Variants in FNDC3A observed in about 807,000 individuals in gnomAD.
FNDC3A encodes fibronectin type III domain containing 3A.
A neutral mutation model predicts 148.9 loss-of-function variants in FNDC3A; 32 were observed. That is an observed-to-expected ratio of 0.21 (90% CI 0.16 to 0.29). The LOEUF (loss-of-function observed/expected upper bound fraction) is 0.29. Ranked by LOEUF, FNDC3A falls within the 10% of genes least tolerant of loss-of-function variation. FNDC3A has a pLI of 1.00. For synonymous variants in FNDC3A, 472 were observed against 473.6 expected (o/e 1.00, Z 0.04); for missense variants, 1,191 against 1,452.8 (o/e 0.82, Z 2.93).
At chr13:49,149,144 A>G (rs760774629) in intron 8 of FNDC3A, among the ~76,000 whole-genome samples, 13 of 151,162 alleles carry the variant, frequency 8.6e-5, no homozygotes, top group Admixed American at 1.3e-4. Context: ...CATGTCATCT[A>G]CAAAGAAGGA....
At chr13:49,125,458 G>C (rs1457216139) in intron 4 of FNDC3A, among the ~76,000 whole-genome samples, 1 of 152,150 alleles carries the variant, frequency 6.6e-6, no homozygotes, top group Non-Finnish European at 1.5e-5. Context: ...TTAAAGTGAA[G>C]CTGTATTATT....
chr13:49,205,647 G>T (rs1000625363), intron 25 of FNDC3A, among the ~76,000 whole-genome samples: 1 of 152,002 alleles, frequency 6.6e-6, no homozygotes, highest in African/African-American at 2.4e-5. Flanking sequence ...TCTTATAAGG[G>T]ATACCCAACC....
chr13:49,116,554 G>T (rs1410018814), intron 4 of FNDC3A, among the ~76,000 whole-genome samples: 3 of 152,184 alleles, frequency 2.0e-5, no homozygotes, highest in African/African-American at 7.2e-5. Flanking sequence ...CAGCTCTTTG[G>T]GAGGCCAAGG....
At chr13:49,064,523 A>G (rs1256201283) in intron 2 of FNDC3A, among the ~76,000 whole-genome samples, 1 of 151,686 alleles carries the variant, frequency 6.6e-6, no homozygotes, top group Non-Finnish European at 1.5e-5. Flanking sequence ...GAAAGAGATC[A>G]CTGAGAGTAT....
At chr13:48,999,078 G>A (rs1237057659) in intron 1 of FNDC3A, among the ~76,000 whole-genome samples, 4 of 152,164 alleles carry the variant, frequency 2.6e-5, no homozygotes, top group African/African-American at 9.7e-5. Context: ...TAAAGGGCAG[G>A]ACTGCCCCGC....
At chr13:49,092,635 C>T (rs1473722713) in intron 3 of FNDC3A, among the ~76,000 whole-genome samples, 1 of 151,588 alleles carries the variant, frequency 6.6e-6, no homozygotes, top group Non-Finnish European at 1.5e-5. Flanking sequence ...TCACATTGTT[C>T]CTTCTTATAA....
chr13:49,074,516 G>A (rs889131318), intron 2 of FNDC3A, among the ~76,000 whole-genome samples: 20 of 152,160 alleles, frequency 1.3e-4, no homozygotes, highest in Admixed American at 5.2e-4. Flanking sequence ...CACAATAATG[G>A]TAAAATTGAA....
chr13:49,188,722 A>G (rs1489582964), intron 17 of FNDC3A, 89 bp downstream of exon 17: 6 of 795,104 alleles, frequency 7.5e-6, no homozygotes, highest in Non-Finnish European at 8.7e-6. Flanking sequence ...ATATTGAAAC[A>G]TATCCACAAA....
intron 5 of FNDC3A, among the ~76,000 whole-genome samples, chr13:49,133,861 T>A (rs1201020784): frequency 6.6e-6 from 1 of 152,212 alleles, no homozygotes; most frequent in East Asian, 1.9e-4. Context: ...TCCTTCTCTT[T>A]CTACTATAAT....
chr13:49,090,781 C>T (rs577483228), intron 3 of FNDC3A, among the ~76,000 whole-genome samples: 1 of 152,100 alleles, frequency 6.6e-6, no homozygotes, highest in African/African-American at 2.4e-5. Context: ...GTAGGAGGAT[C>T]GTTTGAGGCC....
At chr13:49,206,131 C>T (rs1206353518) in intron 25 of FNDC3A, among the ~76,000 whole-genome samples, 3 of 152,168 alleles carry the variant, frequency 2.0e-5, no homozygotes, top group African/African-American at 4.8e-5. Flanking sequence ...GAAATGATAG[C>T]TCCTACAGAT....
At chr13:49,082,051 A>C (rs541390998) in intron 3 of FNDC3A, among the ~76,000 whole-genome samples, 4 of 152,050 alleles carry the variant, frequency 2.6e-5, no homozygotes, top group Non-Finnish European at 4.4e-5. Flanking sequence ...ATAAATGTCA[A>C]ACTCAAGAAG....
chr13:49,025,667 A>G (rs1159272073), intron 2 of FNDC3A, among the ~76,000 whole-genome samples: 3 of 152,112 alleles, frequency 2.0e-5, no homozygotes, highest in Non-Finnish European at 1.5e-5. Context: ...GAAATACCCT[A>G]TCTTGAGGTG....
intron 2 of FNDC3A, among the ~76,000 whole-genome samples, chr13:49,066,589 A>C (rs1309923154): frequency 6.6e-6 from 1 of 152,230 alleles, no homozygotes; most frequent in Non-Finnish European, 1.5e-5. Context: ...ACAAAGACTT[A>C]AGTAACATAC....
chr13:49,114,411 C>G (rs1175235740), intron 3 of FNDC3A, among the ~76,000 whole-genome samples: 2 of 98,418 alleles, frequency 2.0e-5, no homozygotes, highest in Non-Finnish European at 5.0e-5. Flanking sequence ...CCTCCAACCT[C>G]CCCGCCCCCC....
At chr13:49,009,659 A>G (rs894558776) in intron 2 of FNDC3A, among the ~76,000 whole-genome samples, 2 of 152,182 alleles carry the variant, frequency 1.3e-5, no homozygotes, top group East Asian at 1.9e-4. Context: ...AGAACCTCCA[A>G]ACCAGTTTTA....
At chr13:49,119,475 G>T (rs1212061925) in intron 4 of FNDC3A, among the ~76,000 whole-genome samples, 1 of 152,036 alleles carries the variant, frequency 6.6e-6, no homozygotes, top group Non-Finnish European at 1.5e-5. Context: ...AACAAATCTG[G>T]ACGGAGAATG....
intron 1 of FNDC3A, among the ~76,000 whole-genome samples, chr13:49,005,657 GA>G (rs1264631898): frequency 1.3e-5 from 2 of 151,850 alleles, no homozygotes; most frequent in Non-Finnish European, 2.9e-5. Context: ...TTTGTCTGAG[GA>G]ATCAGTGAAA....
intron 3 of FNDC3A, among the ~76,000 whole-genome samples, chr13:49,085,412 T>A (rs1878740851): frequency 6.6e-6 from 1 of 151,948 alleles, no homozygotes; most frequent in African/African-American, 2.4e-5. Flanking sequence ...TCAGGATGTC[T>A]TTGTTGGGGA....
Sources: allele counts gnomAD v4.1 joint callset (sites outside exome capture counted in the v4.1 genomes callset), GRCh38; gene constraint gnomAD v4.1.1; transcripts MANE v1.5; gene names NCBI Gene and HGNC (gene_info 2026-07-23, HGNC 2026-07-21).